The following ATP10A variants were observed in gnomAD, a reference collection of about 807,000 sequenced individuals.
ATP10A encodes the protein ATPase phospholipid transporting 10A (putative).
In ATP10A, 111 loss-of-function variants were observed where a neutral mutation model predicts 147.8. That is an observed-to-expected ratio of 0.75 (90% CI 0.64 to 0.88). The LOEUF (loss-of-function observed/expected upper bound fraction) is 0.88. Among genes scored for constraint, ATP10A ranks in the 40% least tolerant of loss-of-function variants. The pLI, the probability that ATP10A is intolerant of heterozygous loss-of-function variation, is 0.00. For missense variants in ATP10A, 1,927 were observed against 1,959.0 expected, an observed-to-expected ratio of 0.98 and a Z score of 0.31; for synonymous variants, 875 against 841.6, an observed-to-expected ratio of 1.04 and a Z score of -0.69.
At chr15:25,856,023 G>T (rs71463468) in intron 1 of ATP10A, among the ~76,000 whole-genome samples, 2,107 of 152,220 alleles carry the variant, frequency 0.014, 28 homozygotes, top group Middle Eastern at 0.041. Context: ...AAAGAAGGTG[G>T]GTAAGGGGTA....
intron 17 of ATP10A, among the ~76,000 whole-genome samples, chr15:25,681,899 G>C (rs1899430472): frequency 6.6e-6 from 1 of 151,854 alleles, no homozygotes; most frequent in African/African-American, 2.4e-5. Context: ...TAAACATATA[G>C]AAAAATTAGC....
At chr15:25,731,951 G>A (rs1886961743) in intron 3 of ATP10A, among the ~76,000 whole-genome samples, 1 of 152,022 alleles carries the variant, frequency 6.6e-6, no homozygotes, top group Non-Finnish European at 1.5e-5. Flanking sequence ...GACCTCCTGA[G>A]CTCAAGCCAT....
intron 2 of ATP10A, among the ~76,000 whole-genome samples, chr15:25,741,436 CA>C (rs1368727767): frequency 6.6e-6 from 1 of 152,154 alleles, no homozygotes; most frequent in Non-Finnish European, 1.5e-5. Flanking sequence ...TTTCCCCTGG[CA>C]GCAATACAAA....
intron 1 of ATP10A, among the ~76,000 whole-genome samples, chr15:25,826,380 C>T (rs903543828): frequency 6.6e-6 from 1 of 152,114 alleles, no homozygotes; most frequent in Non-Finnish European, 1.5e-5. Context: ...AGCAACATGG[C>T]AAAATCCCAT....
intron 13 of ATP10A, 86 bp from the exon 14 acceptor site, chr15:25,695,232 C>A: frequency 7.6e-7 from 1 of 1,313,068 alleles, no homozygotes. Flanking sequence ...CTGGAGCTGA[C>A]ATCCTTCCGG....
intron 1 of ATP10A, among the ~76,000 whole-genome samples, chr15:25,824,187 C>T (rs1158359926): frequency 6.6e-6 from 1 of 151,894 alleles, no homozygotes; most frequent in Non-Finnish European, 1.5e-5. Context: ...TTGAAAAAAA[C>T]ATTTCTCAGC....
chr15:25,742,368 C>T (rs61998598), intron 2 of ATP10A, among the ~76,000 whole-genome samples: 52,939 of 152,164 alleles, frequency 0.35, 10,731 homozygotes, highest in Non-Finnish European at 0.46. Flanking sequence ...ATTTTCTTGC[C>T]GCAAGCACCA....
At chr15:25,800,118 G>A (rs575285600) in intron 1 of ATP10A, among the ~76,000 whole-genome samples, 4 of 152,324 alleles carry the variant, frequency 2.6e-5, no homozygotes, top group Admixed American at 6.5e-5. Flanking sequence ...AAGGGTGCAC[G>A]CAACAGCTCA....
chr15:25,729,598 G>T lies in ATP10A; in HGVS notation c.741-2332C>A, dbSNP rs139914100. On this transcript the variant is annotated intron_variant, in intron 3 of 20. Transcript: ENST00000555815. ...CTCCTCATTGCTCCAGCTTGACGTG[G>T]GAACCAGCCGACCCTGCAGCCCCTG... 3.1e-3 allele frequency among the ~76,000 whole-genome samples: 465 copies of T among 152,220 alleles called. 5 individuals are homozygous for T. The highest frequency in any genetic ancestry group is 0.01 in the African/African-American group (436 of 41,550).
chr15:25,857,829 C>T (rs986279333), intron 1 of ATP10A, among the ~76,000 whole-genome samples: 3 of 151,942 alleles, frequency 2.0e-5, no homozygotes, highest in African/African-American at 7.3e-5. Flanking sequence ...GTACTGCCAT[C>T]TCCTAACAGT....
chr15:25,827,259 A>G (rs1892156963), intron 1 of ATP10A, among the ~76,000 whole-genome samples: 1 of 152,248 alleles, frequency 6.6e-6, no homozygotes, highest in Admixed American at 6.5e-5. Context: ...CTCCTACAAG[A>G]AACAATAAAC....
intron 2 of ATP10A, among the ~76,000 whole-genome samples, chr15:25,759,272 CA>C: frequency 6.6e-6 from 1 of 152,166 alleles, no homozygotes; most frequent in South Asian, 2.1e-4. Flanking sequence ...AGGGAAAAGG[CA>C]AGTAAATTTT....
rs148740919 is a variant in ATP10A, at chr15:25,789,115, C to T, written c.450-7892G>A. On this transcript the variant is annotated intron_variant, in intron 1 of 20. Coordinates refer to ENST00000555815, the MANE Select transcript of ATP10A (RefSeq NM_024490.4). The stretch of plus-strand genomic sequence containing the variant: ...CTGGGACGACAGGTGTGCACCACCA[C>T]ACCCAGCTAATTTGTTTTTTATTTT... Among the ~76,000 whole-genome samples the T allele has an allele frequency of 1.0e-3, 159 of 152,270 alleles. 2 individuals carry two copies. The East Asian group carries it at 0.029, about 28-fold the overall frequency.
In ATP10A at chr15:25,691,804, C is replaced by A. The variant is rs545935623; in HGVS notation, c.3089-13G>T. 6.2e-7 allele frequency: 1 copy of A among 1,614,068 alleles called. No homozygotes were observed. The highest frequency in any genetic ancestry group is 1.7e-5 in the Admixed American group (1 of 60,022). On this transcript the variant is annotated splice_polypyrimidine_tract_variant and intron_variant, in intron 14 of 20. Transcript: ENST00000555815. ...TTGGCTCCATCACCTAGAAACAGCACAGGCAAGAAGAATTGTTTGATTCTA... is the reference window on the plus strand; with the variant it reads ...TTGGCTCCATCACCTAGAAACAGCAAAGGCAAGAAGAATTGTTTGATTCTA...
chr15:25,797,992 T>C (rs945044122), intron 1 of ATP10A, among the ~76,000 whole-genome samples: 10 of 152,200 alleles, frequency 6.6e-5, no homozygotes, highest in African/African-American at 2.4e-4. Flanking sequence ...TGTGTTGTTA[T>C]AGACTTCATT....
intron 2 of ATP10A, among the ~76,000 whole-genome samples, chr15:25,757,728 ATTTCT>A (rs1174878100): frequency 2.0e-5 from 3 of 152,200 alleles, no homozygotes; most frequent in Non-Finnish European, 4.4e-5. Flanking sequence ...TGAGTTCTAA[ATTTCT>A]TTTCAAAGAA....
At chr15:25,690,172 T>C (rs1899941803) in intron 15 of ATP10A, among the ~76,000 whole-genome samples, 1 of 150,454 alleles carries the variant, frequency 6.6e-6, no homozygotes, top group African/African-American at 2.4e-5. Flanking sequence ...ACACGCACAA[T>C]GGAATCTACA....
chr15:25,717,956 A>G (rs1170910437), intron 8 of ATP10A, among the ~76,000 whole-genome samples: 2 of 152,186 alleles, frequency 1.3e-5, no homozygotes, highest in East Asian at 3.9e-4. Flanking sequence ...GTGACTTGCC[A>G]GCAATCAACC....
chr15:25,805,784 C>T (rs1016731453), intron 1 of ATP10A, among the ~76,000 whole-genome samples: 1 of 152,104 alleles, frequency 6.6e-6, no homozygotes, highest in Non-Finnish European at 1.5e-5. Context: ...CTTGCCTTTA[C>T]TTTAAAAAAA....
Sources: gnomAD v4.1 joint callset for allele counts (sites outside exome capture counted in the v4.1 genomes callset) on GRCh38, gnomAD v4.1.1 for gene constraint, MANE v1.5 for transcripts, NCBI Gene and HGNC (gene_info 2026-07-23, HGNC 2026-07-21) for gene names.